The following TECRL variants were observed in gnomAD, a reference collection of about 807,000 sequenced individuals.
TECRL encodes trans-2,3-enoyl-CoA reductase-like.
A neutral mutation model predicts 52.8 loss-of-function variants in TECRL; 63 were observed. That is an observed-to-expected ratio of 1.19 (90% CI 0.97 to 1.47). The LOEUF is 1.47. Among genes scored for constraint, TECRL ranks in the 40% most tolerant of loss-of-function variants. The pLI is 0.00. For synonymous variants in TECRL, 164 were observed against 141.9 expected (o/e 1.16, Z -1.10); for missense variants, 482 against 429.6 (o/e 1.12, Z -1.08).
chr4:64,381,445 G>C (rs762601810), intron 1 of TECRL, among the ~76,000 whole-genome samples: 9 of 151,078 alleles, frequency 6.0e-5, no homozygotes, highest in Non-Finnish European at 1.2e-4. Flanking sequence ...ATAAGAATGG[G>C]TATCCTTGTC....
At chr4:64,362,105 G>A (rs12510152) in intron 2 of TECRL, among the ~76,000 whole-genome samples, 136,502 of 151,898 alleles carry the variant, frequency 0.9, 61,994 homozygotes, top group East Asian at 1. Flanking sequence ...AAAGAATCTC[G>A]GAGCTTGAAG....
intron 2 of TECRL, among the ~76,000 whole-genome samples, chr4:64,331,733 G>A (rs961810579): frequency 3.9e-5 from 6 of 152,066 alleles, no homozygotes; most frequent in Non-Finnish European, 5.9e-5. Context: ...TGATTAAAAT[G>A]TAATGGAATG....
chr4:64,373,677 AC>A (rs1722139189), intron 2 of TECRL, among the ~76,000 whole-genome samples: 1 of 151,648 alleles, frequency 6.6e-6, no homozygotes, highest in African/African-American at 2.4e-5. Context: ...TGTTTTACAT[AC>A]AATCTTCTTG....
intron 1 of TECRL, among the ~76,000 whole-genome samples, chr4:64,401,352 C>T (rs1577999587): frequency 6.6e-6 from 1 of 152,228 alleles, no homozygotes; most frequent in South Asian, 2.1e-4. Flanking sequence ...TACTTTCCTG[C>T]CTCTTTTTTT....
chr4:64,378,902 A>ATTTG (rs778797589), intron 1 of TECRL, among the ~76,000 whole-genome samples: 129 of 150,580 alleles, frequency 8.6e-4, no homozygotes, highest in Non-Finnish European at 1.5e-3. Context: ...AATTTTGTTT[A>ATTTG]TAAACTAAAT....
chr4:64,326,328 C>CA (rs2110039838), intron 3 of TECRL, among the ~76,000 whole-genome samples: 1 of 152,158 alleles, frequency 6.6e-6, no homozygotes, highest in East Asian at 1.9e-4. Flanking sequence ...TAGGAATATA[C>CA]AAAATATTTT....
intron 8 of TECRL, chr4:64,298,804 A>G (rs2109970151): frequency 6.6e-6 from 1 of 151,296 alleles, no homozygotes; most frequent in African/African-American, 2.4e-5. Context: ...ATAGGTGGTT[A>G]TTATTTTGTT....
At chr4:64,365,731 G>C (rs1271902725) in intron 2 of TECRL, among the ~76,000 whole-genome samples, 1 of 151,728 alleles carries the variant, frequency 6.6e-6, no homozygotes, top group African/African-American at 2.4e-5. Context: ...AATTAGAGAT[G>C]ACACCAAGAA....
intron 10 of TECRL, 143 bp downstream of exon 10, chr4:64,281,331 C>A: frequency 1.7e-6 from 1 of 598,838 alleles, no homozygotes; most frequent in Non-Finnish European, 2.9e-6. Context: ...TTGAAATGTT[C>A]TATTTTGTTA....
chr4:64,279,719 T>C lies in TECRL; in HGVS notation c.*353A>G. 2.3e-6 allele frequency: 2 copies of C among 886,842 alleles called. No homozygotes were observed. Among genetic ancestry groups the C allele is most frequent in the Non-Finnish European group, 2.7e-6 (2 of 741,428 alleles). 54.9% of individuals were successfully genotyped at this position (886,842 alleles called of 1,614,324 possible). A position where few individuals can be genotyped will look rare whatever the true frequency, so the allele number is the denominator to read the frequency against. On this transcript the variant is annotated 3_prime_UTR_variant, in exon 12 of 12. Transcript: ENST00000381210. The stretch of plus-strand genomic sequence containing the variant: ...CATGTATATGTCTTCCTTTGGGAAA[T>C]GTCTGTTCAGATCGCTTTTTCATTT...
chr4:64,337,585 G>C (rs947386280), intron 2 of TECRL, among the ~76,000 whole-genome samples: 2 of 152,106 alleles, frequency 1.3e-5, no homozygotes, highest in African/African-American at 4.8e-5. Flanking sequence ...AAAGTCTCAG[G>C]ATACGAAATC....
intron 2 of TECRL, among the ~76,000 whole-genome samples, chr4:64,370,758 A>G (rs1161053272): frequency 6.6e-6 from 1 of 151,766 alleles, no homozygotes; most frequent in Non-Finnish European, 1.5e-5. Flanking sequence ...CAAAACATGT[A>G]ATAAAACTTT....
intron 2 of TECRL, among the ~76,000 whole-genome samples, chr4:64,363,188 A>G (rs1021265893): frequency 1.5e-4 from 23 of 152,144 alleles, no homozygotes; most frequent in African/African-American, 5.5e-4. Context: ...GATTAATAAA[A>G]CAAGTTCTTA....
At position 64,278,486 on chromosome 4, in the gene TECRL, G is replaced by A; in HGVS notation, c.*1586C>T. 4.0e-6 allele frequency: 1 copy of A among 252,456 alleles called. No individual in the cohort carries two copies. The highest frequency in any genetic ancestry group is 6.2e-6 in the Non-Finnish European group (1 of 160,228). 15.6% of individuals were successfully genotyped at this position (252,456 alleles called of 1,614,324 possible). A position where few individuals can be genotyped will look rare whatever the true frequency, so the allele number is the denominator to read the frequency against. On this transcript the variant is annotated 3_prime_UTR_variant, in exon 12 of 12. Coordinates refer to ENST00000381210, the MANE Select transcript of TECRL (RefSeq NM_001010874.5). The stretch of plus-strand genomic sequence containing the variant: ...CTTTTTAAATTAAATTTTATTTTTT[G>A]AGCGACATAAGAATTGAACATATTT...
chr4:64,307,393 C>A (rs149321664), intron 6 of TECRL, among the ~76,000 whole-genome samples: 1 of 152,254 alleles, frequency 6.6e-6, no homozygotes, highest in South Asian at 2.1e-4. Context: ...TACCTTCCAG[C>A]CCTCCTGGTC....
chr4:64,385,934 C>A (rs1447935467), intron 1 of TECRL, among the ~76,000 whole-genome samples: 1 of 152,176 alleles, frequency 6.6e-6, no homozygotes, highest in Non-Finnish European at 1.5e-5. Flanking sequence ...ACTTTCTTCA[C>A]CTTTCATGAT....
At chr4:64,335,226 C>A (rs1016472198) in intron 2 of TECRL, among the ~76,000 whole-genome samples, 1 of 152,112 alleles carries the variant, frequency 6.6e-6, no homozygotes, top group African/African-American at 2.4e-5. Context: ...CCCCATTACT[C>A]ACATTACCGT....
intron 1 of TECRL, among the ~76,000 whole-genome samples, chr4:64,379,095 T>C (rs1181246002): frequency 6.6e-6 from 1 of 152,062 alleles, no homozygotes; most frequent in African/African-American, 2.4e-5. Flanking sequence ...ATAAATTGAT[T>C]TTGTCAAAGT....
rs931654297 is a variant in TECRL at position 64,376,231 on chromosome 4, T to A, written c.235-1008A>T. Among the ~76,000 whole-genome samples the A allele has an allele frequency of 5.3e-5, 8 of 152,024 alleles. No individual in the cohort carries two copies. The South Asian group carries it at 1.7e-3, about 31-fold the overall frequency. On this transcript the variant is annotated intron_variant, in intron 1 of 11. Transcript: ENST00000381210. ...TACTTAACAGGATTGTGACTAAGCA[T>A]TCAGTATACTGTTCAGAACTTTTTT...
Sources: allele counts gnomAD v4.1 joint callset (sites outside exome capture counted in the v4.1 genomes callset), GRCh38; gene constraint gnomAD v4.1.1; transcripts MANE v1.5; gene names NCBI Gene and HGNC (gene_info 2026-07-23, HGNC 2026-07-21).